PCDH15: variants seen among roughly 807,000 people sequenced by gnomAD.
PCDH15 encodes the protein protocadherin related 15.
PCDH15 carries 129 observed loss-of-function variants against 178.5 expected under a neutral mutation model. The observed-to-expected ratio is 0.72, with a 90% CI of 0.63 to 0.84. The LOEUF (loss-of-function observed/expected upper bound fraction) is 0.84. Ranked by LOEUF, PCDH15 falls within the 40% of genes least tolerant of loss-of-function variation. PCDH15 has a pLI of 0.00. For synonymous variants in PCDH15, 800 were observed against 732.0 expected, an observed-to-expected ratio of 1.09 and a Z score of -1.50; for missense variants, 2,230 against 2,099.9, an observed-to-expected ratio of 1.06 and a Z score of -1.21.
intron 9 of PCDH15, among the ~76,000 whole-genome samples, chr10:54,222,496 G>T (rs1433922821): frequency 1.3e-5 from 2 of 152,136 alleles, no homozygotes; most frequent in Non-Finnish European, 2.9e-5. Flanking sequence ...CCTCCAAGTT[G>T]CTGTGTATCA....
chr10:55,427,820 T>C (rs1045544584), intron 2 of PCDH15, among the ~76,000 whole-genome samples: 2 of 152,156 alleles, frequency 1.3e-5, no homozygotes, highest in African/African-American at 4.8e-5. Flanking sequence ...CATATTTAAA[T>C]ATCCATTTCA....
intron 3 of PCDH15, among the ~76,000 whole-genome samples, chr10:54,460,173 C>T (rs2077083041): frequency 6.6e-6 from 1 of 152,026 alleles, no homozygotes; most frequent in Non-Finnish European, 1.5e-5. Context: ...TAATTTCATA[C>T]TGAACTCTTT....
chr10:54,911,684 G>C (rs1036735722), intron 2 of PCDH15, among the ~76,000 whole-genome samples: 4 of 152,170 alleles, frequency 2.6e-5, no homozygotes, highest in Admixed American at 6.5e-5. Flanking sequence ...AAAGTGACTG[G>C]ATCTTGGGGT....
intron 2 of PCDH15, among the ~76,000 whole-genome samples, chr10:54,939,522 A>AAAAAAAAAAAAAAAAAC (rs1838005440): frequency 6.7e-6 from 1 of 149,298 alleles, no homozygotes; most frequent in Non-Finnish European, 1.5e-5. Flanking sequence ...AAAAAAAAAA[A>AAAAAAAAAAAAAAAAAC]ATCAGTGATG....
intron 13 of PCDH15, among the ~76,000 whole-genome samples, chr10:54,157,833 C>G (rs1437405769): frequency 6.6e-6 from 1 of 152,132 alleles, no homozygotes; most frequent in Non-Finnish European, 1.5e-5. Context: ...CCAGGTATCC[C>G]AAATCATCTC....
At chr10:54,118,286 T>C (rs11004081) in intron 15 of PCDH15, among the ~76,000 whole-genome samples, 9,398 of 152,114 alleles carry the variant, frequency 0.062, 456 homozygotes, top group African/African-American at 0.13. Flanking sequence ...AAATAGGCAA[T>C]GAGGAAAAAC....
intron 18 of PCDH15, among the ~76,000 whole-genome samples, chr10:54,036,593 ACTT>A (rs1470453954): frequency 6.6e-6 from 1 of 151,754 alleles, no homozygotes; most frequent in African/African-American, 2.4e-5. Context: ...AAAAAAAAAG[ACTT>A]CTTTCTAAAC....
At chr10:54,610,471 A>T (rs1003214935) in intron 2 of PCDH15, among the ~76,000 whole-genome samples, 2 of 151,954 alleles carry the variant, frequency 1.3e-5, no homozygotes, top group African/African-American at 4.8e-5. Flanking sequence ...TTCCAAGATC[A>T]CATAGCTAGT....
intron 2 of PCDH15, among the ~76,000 whole-genome samples, chr10:54,940,945 G>T (rs1418155568): frequency 6.6e-6 from 1 of 151,916 alleles, no homozygotes; most frequent in Admixed American, 6.6e-5. Context: ...TATAAAGTAG[G>T]ATTTTAGAAA....
chr10:55,342,698 A>G (rs1844639165), intron 2 of PCDH15, among the ~76,000 whole-genome samples: 1 of 152,162 alleles, frequency 6.6e-6, no homozygotes. Context: ...TCCTGGTCTT[A>G]AAATATGATG....
At chr10:54,001,536 C>T (rs772198346) in intron 20 of PCDH15, among the ~76,000 whole-genome samples, 1 of 151,852 alleles carries the variant, frequency 6.6e-6, no homozygotes, top group Non-Finnish European at 1.5e-5. Flanking sequence ...TATTTGCAAG[C>T]TTGATGATAA....
At chr10:54,136,697 T>A (rs1472162896) in intron 14 of PCDH15, among the ~76,000 whole-genome samples, 1 of 152,184 alleles carries the variant, frequency 6.6e-6, no homozygotes, top group Non-Finnish European at 1.5e-5. Flanking sequence ...CTTGGATACT[T>A]GTCACAGAGT....
chr10:54,073,614 T>C (rs1272126208), intron 17 of PCDH15, among the ~76,000 whole-genome samples: 1 of 152,294 alleles, frequency 6.6e-6, no homozygotes, highest in East Asian at 1.9e-4. Flanking sequence ...TGTGAAATAT[T>C]ACAAGTGTTC....
rs373809350 is a variant in PCDH15 at position 54,659,555 on chromosome 10, C to A, written c.91+4617G>T. On this transcript the variant is annotated intron_variant, in intron 2 of 37. Transcript: ENST00000644397. ...ATCATTTGAGGTCAGGAGTTCAAGA[C>A]CCACAAGGCCAACATGGTAAAACCC... Among the ~76,000 whole-genome samples, 3 of 151,962 alleles carry A rather than the reference C, an allele frequency of 2.0e-5. No individual in the cohort carries two copies. In the East Asian group the frequency reaches 5.8e-4, roughly 29 times the overall value.
chr10:54,325,849 C>A (rs920527), intron 7 of PCDH15, among the ~76,000 whole-genome samples: 16,960 of 151,954 alleles, frequency 0.11, 1,017 homozygotes, highest in Middle Eastern at 0.2. Flanking sequence ...GCGGAGGTTG[C>A]AGTGAGCTGA....
intron 3 of PCDH15, among the ~76,000 whole-genome samples, chr10:54,497,303 G>A (rs2080219531): frequency 6.7e-6 from 1 of 149,300 alleles, no homozygotes; most frequent in Non-Finnish European, 1.5e-5. Context: ...CCCATCCAAA[G>A]GAAAGAAACT....
At chr10:54,782,872 T>C (rs1241945710) in intron 1 of PCDH15, among the ~76,000 whole-genome samples, 1 of 152,054 alleles carries the variant, frequency 6.6e-6, no homozygotes, top group Non-Finnish European at 1.5e-5. Context: ...ACCACTGATG[T>C]TAATTGAAGT....
chr10:55,227,304 T>C (rs1164406887), intron 1 of PCDH15, among the ~76,000 whole-genome samples: 1 of 152,096 alleles, frequency 6.6e-6, no homozygotes, highest in Non-Finnish European at 1.5e-5. Context: ...AACCAAACTA[T>C]GAATAAAATC....
intron 34 of PCDH15, among the ~76,000 whole-genome samples, chr10:53,817,512 TTTTC>T (rs1288732124): frequency 2.7e-5 from 4 of 149,190 alleles, no homozygotes; most frequent in Non-Finnish European, 5.9e-5. Flanking sequence ...TTTTTTTTCT[TTTTC>T]TTTTTTTTTT....
Sources: allele counts gnomAD v4.1 joint callset (sites outside exome capture counted in the v4.1 genomes callset), GRCh38; gene constraint gnomAD v4.1.1; transcripts MANE v1.5; gene names NCBI Gene and HGNC (gene_info 2026-07-23, HGNC 2026-07-21).